CPLANE1: variants seen among roughly 807,000 people sequenced by gnomAD.
CPLANE1 encodes ciliogenesis and planar polarity effector 1.
CPLANE1 carries 263 observed loss-of-function variants against 362.5 expected under a neutral mutation model. The ratio of observed to expected loss-of-function variants is 0.73; its 90% CI spans 0.66 to 0.80. The LOEUF is 0.80. Ranked by LOEUF, CPLANE1 falls within the 30% of genes least tolerant of loss-of-function variation. The pLI, the probability that CPLANE1 is intolerant of heterozygous loss-of-function variation, is 0.00. For missense variants in CPLANE1, 3,461 were observed against 3,793.4 expected, an observed-to-expected ratio of 0.91 and a Z score of 2.30; for synonymous variants, 1,212 against 1,302.6, an observed-to-expected ratio of 0.93 and a Z score of 1.50.
At chr5:37,162,433 T>C (rs765426687) in intron 38 of CPLANE1, 32 bp downstream of exon 38, 1 of 1,338,610 alleles carries the variant, frequency 7.5e-7, no homozygotes, top group Admixed American at 1.9e-5. Context: ...TCAAAATATA[T>C]GAATTTTTTT....
the CPLANE1 span, among the ~76,000 whole-genome samples, chr5:37,084,728 G>A: frequency 1.3e-5 from 2 of 151,902 alleles, no homozygotes; most frequent in African/African-American, 4.8e-5. Flanking sequence ...CTGAGATCAT[G>A]CCATTGCACT....
chr5:37,102,997 T>A (rs550132129), downstream of CPLANE1, among the ~76,000 whole-genome samples: 23 of 152,340 alleles, frequency 1.5e-4, no homozygotes, highest in African/African-American at 5.5e-4. Context: ...GGTGTTAAAG[T>A]GTCCAGTATT....
chr5:37,089,483 G>A, the CPLANE1 span, among the ~76,000 whole-genome samples: 1 of 152,108 alleles, frequency 6.6e-6, no homozygotes, highest in Non-Finnish European at 1.5e-5. Flanking sequence ...AGAAATTACA[G>A]AGGGCCCATG....
At chr5:37,093,086 C>G in the CPLANE1 span, among the ~76,000 whole-genome samples, 2 of 152,190 alleles carry the variant, frequency 1.3e-5, no homozygotes, top group African/African-American at 4.8e-5. Flanking sequence ...TGTCCCAGGT[C>G]AGACACAAAA....
chr5:37,124,222 A>T (rs570814847), intron 47 of CPLANE1, among the ~76,000 whole-genome samples: 1 of 152,338 alleles, frequency 6.6e-6, no homozygotes, highest in East Asian at 1.9e-4. Context: ...GCTGAAAAAA[A>T]TGAAGGGATA....
the CPLANE1 span, chr5:37,085,637 G>A: frequency 1.0e-6 from 1 of 997,496 alleles, no homozygotes; most frequent in Non-Finnish European, 1.6e-6. Flanking sequence ...GGGAATAACT[G>A]GTGTGATCAC....
chr5:37,198,221 G>A (rs1561573060), intron 20 of CPLANE1, among the ~76,000 whole-genome samples: 1 of 152,180 alleles, frequency 6.6e-6, no homozygotes, highest in Non-Finnish European at 1.5e-5. Flanking sequence ...AGAAGGGGAT[G>A]AACACCTGGG....
At chr5:37,129,715 A>T (rs987770713) in intron 46 of CPLANE1, among the ~76,000 whole-genome samples, 1 of 152,226 alleles carries the variant, frequency 6.6e-6, no homozygotes, top group Non-Finnish European at 1.5e-5. Flanking sequence ...TTCTGCAAGA[A>T]TGGACATAAT....
Position 37,123,930 on chromosome 5 carries a change from T to TACACACACACACAC in CPLANE1, c.8958+1300_8958+1313dup, listed in dbSNP as rs56833956. The stretch of plus-strand genomic sequence containing the variant: ...CATTCTACATTAGGCTAGGGGAACA[T>TACACACACACACAC]ACACACACACACACACACACACACA... On this transcript the variant is annotated intron_variant, in intron 47 of 52. Coordinates refer to ENST00000651892, the MANE Select transcript of CPLANE1 (RefSeq NM_001384732.1). Among the ~76,000 whole-genome samples the TACACACACACACAC allele has an allele frequency of 6.2e-3, 901 of 144,516 alleles. 13 individuals carry two copies. The highest frequency in any genetic ancestry group is 0.018 in the African/African-American group (716 of 39,248). 94.8% of individuals were successfully genotyped at this position (144,516 alleles called of 152,430 possible). A position where few individuals can be genotyped will look rare whatever the true frequency, so the allele number is the denominator to read the frequency against.
intron 43 of CPLANE1, among the ~76,000 whole-genome samples, chr5:37,143,012 T>C (rs1770262892): frequency 6.6e-6 from 1 of 152,220 alleles, no homozygotes; most frequent in African/African-American, 2.4e-5. Flanking sequence ...GTTTTCTATC[T>C]GCATGGACAG....
Position 37,183,766 on chromosome 5 carries a change from T to C in CPLANE1, c.4482-67A>G, listed in dbSNP as rs1443396110. The C allele has an allele frequency of 7.0e-6, 8 of 1,140,626 alleles. No individual in the cohort carries two copies. In the East Asian group the frequency reaches 1.7e-4, roughly 24 times the overall value. The allele number at this position is 1,140,626 out of a possible 1,614,324, so 70.7% of individuals were successfully genotyped here. Reference sequence around the variant, plus strand: ...TAATCACTAAAACTGATCTTAGAATTGACATGGAAAATTCTCTCCAATGAT... The same window carrying C: ...TAATCACTAAAACTGATCTTAGAATCGACATGGAAAATTCTCTCCAATGAT... On this transcript the variant is annotated intron_variant, in intron 25 of 52. Coordinates refer to ENST00000651892, the MANE Select transcript of CPLANE1 (RefSeq NM_001384732.1).
intron 19 of CPLANE1, among the ~76,000 whole-genome samples, chr5:37,200,637 A>G (rs1377303988): frequency 6.6e-6 from 1 of 152,194 alleles, no homozygotes; most frequent in African/African-American, 2.4e-5. Context: ...CAAATACTTA[A>G]AAGTCTAAAT....
chr5:37,125,222 A>G, intron 47 of CPLANE1, 22 bp downstream of exon 47: 1 of 1,598,868 alleles, frequency 6.3e-7, no homozygotes, highest in Non-Finnish European at 8.5e-7. Flanking sequence ...TAATTCCATT[A>G]CCCTTGACAT....
At position 37,107,397 on chromosome 5, in the gene CPLANE1, T is replaced by C; in HGVS notation, c.*205A>G. 1 of 1,262,982 alleles carries C rather than the reference T, an allele frequency of 7.9e-7. No individual in the cohort carries two copies. Among genetic ancestry groups the C allele is most frequent in the Non-Finnish European group, 1.0e-6 (1 of 1,000,600 alleles). The allele number at this position is 1,262,982 out of a possible 1,614,324, so 78.2% of individuals were successfully genotyped here. On this transcript the variant is annotated 3_prime_UTR_variant, in exon 53 of 53. Transcript: ENST00000651892. ...AATACAAAAACATATAATACATCAA[T>C]AGTCAACCCTTTCCCCATAAAGGCA...
intron 46 of CPLANE1, among the ~76,000 whole-genome samples, chr5:37,135,236 T>C (rs575892643): frequency 1.3e-5 from 2 of 152,328 alleles, no homozygotes; most frequent in Admixed American, 1.3e-4. Context: ...AGCAAGTTGT[T>C]TAATTTCCAT....
chr5:37,196,016 G>A lies in CPLANE1; in HGVS notation c.3673-20C>T, dbSNP rs563842124. 5.7e-6 allele frequency: 9 copies of A among 1,578,248 alleles called. No homozygotes were observed. Among genetic ancestry groups the A allele is most frequent in the Admixed American group, 1.9e-5 (1 of 52,346 alleles). On this transcript the variant is annotated intron_variant, in intron 20 of 52. Coordinates refer to ENST00000651892, the MANE Select transcript of CPLANE1 (RefSeq NM_001384732.1). ...TCGAATCTAAAAGTAAAGAATAACC[G>A]AACATGTTAATTATCAGCTGTATAA...
In CPLANE1 at chr5:37,239,822, C is replaced by T. The variant is rs1423193740; in HGVS notation, c.725G>A (p.Cys242Tyr). 6.5e-7 allele frequency: 1 copy of T among 1,541,856 alleles called. No individual in the cohort carries two copies. The highest frequency in any genetic ancestry group is 2.0e-5 in the Admixed American group (1 of 50,632). ...TGATTCACATTTAGGAATTAAACTACAGAGATGACAGTCTTGTTGAGCCCA... is the reference window on the plus strand; with the variant it reads ...TGATTCACATTTAGGAATTAAACTATAGAGATGACAGTCTTGTTGAGCCCA... Reference protein sequence around the residue: ...VHWAQQDCHLCSLIPKCESVK... With the variant: ...VHWAQQDCHLYSLIPKCESVK... Residue 242 changes from cysteine to tyrosine, a missense_variant, in exon 7 of 53, where the codon TGT (cysteine) becomes TAT (tyrosine). Physicochemically the swap from Cys to Tyr is radical, Grantham distance 194. Coordinates refer to ENST00000651892, the MANE Select transcript of CPLANE1 (RefSeq NM_001384732.1).
intron 13 of CPLANE1, 53 bp downstream of exon 13, chr5:37,224,479 G>A (rs1375346332): frequency 7.3e-7 from 1 of 1,365,292 alleles, no homozygotes; most frequent in Non-Finnish European, 1.0e-6. Flanking sequence ...TTCAAAGTCT[G>A]GTTAACTATG....
rs1427737176 is a variant in CPLANE1, at chr5:37,162,660, T to C, written c.7589-94A>G. On this transcript the variant is annotated intron_variant, in intron 37 of 52. Transcript: ENST00000651892. ...AGTACCTAACTCAATGGAAGTAAAA[T>C]ATGGGGTGTCAGGATGTTATTAAAT... is the stretch of plus-strand genomic sequence containing the variant. The C allele has an allele frequency of 1.5e-5, 12 of 799,762 alleles. No homozygotes were observed. The Admixed American group carries it at 2.2e-4, about 15-fold the overall frequency. 49.5% of individuals were successfully genotyped at this position (799,762 alleles called of 1,614,324 possible).
Sources: allele counts gnomAD v4.1 joint callset (sites outside exome capture counted in the v4.1 genomes callset), GRCh38; gene constraint gnomAD v4.1.1; transcripts MANE v1.5; gene names NCBI Gene and HGNC (gene_info 2026-07-23, HGNC 2026-07-21).